The following MLIP variants were observed in gnomAD, a reference collection of about 807,000 sequenced individuals.
The protein encoded by MLIP is muscular LMNA-interacting protein.
Under a neutral mutation model 84.8 loss-of-function variants are expected in MLIP, and 79 were observed. That is an observed-to-expected ratio of 0.93 (90% confidence interval 0.78 to 1.12). The LOEUF is 1.12. Among genes scored for constraint, MLIP ranks in the 50% most tolerant of loss-of-function variants. MLIP has a pLI of 0.00. For missense variants in MLIP, 1,257 were observed against 1,160.6 expected, an observed-to-expected ratio of 1.08 and a Z score of -1.21; for synonymous variants, 504 against 463.0, an observed-to-expected ratio of 1.09 and a Z score of -1.14.
intron 1 of MLIP, among the ~76,000 whole-genome samples, chr6:54,086,602 G>A (rs1263009393): frequency 6.6e-6 from 1 of 152,134 alleles, no homozygotes; most frequent in Admixed American, 6.6e-5. Flanking sequence ...CAGAATAAAA[G>A]CCAAAGTCCG....
At chr6:54,087,512 T>C (rs1439375680) in intron 1 of MLIP, among the ~76,000 whole-genome samples, 1 of 152,116 alleles carries the variant, frequency 6.6e-6, no homozygotes, top group Non-Finnish European at 1.5e-5. Flanking sequence ...TAAAAAATAG[T>C]GGCAAAGAGG....
At chr6:54,070,756 C>T (rs1766437678) in intron 1 of MLIP, among the ~76,000 whole-genome samples, 1 of 151,948 alleles carries the variant, frequency 6.6e-6, no homozygotes, top group South Asian at 2.1e-4. Flanking sequence ...GTGCATAGTA[C>T]AAGATTCAGA....
At chr6:54,096,144 G>A (rs929436123) in intron 1 of MLIP, among the ~76,000 whole-genome samples, 14 of 152,162 alleles carry the variant, frequency 9.2e-5, no homozygotes, top group African/African-American at 3.1e-4. Flanking sequence ...TTGGTCAGAT[G>A]TGTGGTGCAT....
chr6:54,115,493 C>G (rs1273330219), intron 1 of MLIP, among the ~76,000 whole-genome samples: 3 of 152,056 alleles, frequency 2.0e-5, no homozygotes, highest in East Asian at 3.8e-4. Context: ...AATGAAGAAA[C>G]AAATTACGGA....
At position 54,230,761 on chromosome 6, in the gene MLIP, G is replaced by C; in HGVS notation, c.2766G>C (p.Gln922His). 1.9e-6 allele frequency: 3 copies of C among 1,614,018 alleles called. No individual in the cohort carries two copies. The highest frequency in any genetic ancestry group is 2.5e-6 in the Non-Finnish European group (3 of 1,179,980). The change falls in exon 12 of 14, where the codon CAG (glutamine) becomes CAC (histidine). Residue 922 changes from glutamine to histidine, a missense_variant. Transcript: ENST00000502396. Reference protein sequence around the residue: ...PKPVSLHPLYQTKLYPPAKSL... With the variant: ...PKPVSLHPLYHTKLYPPAKSL... ...CTGTCTCGCTCCATCCTTTATATCA[G>C]ACTAAACTCTATCCTCCTGCTAAGT...
At chr6:54,222,622 A>C (rs991732068) in intron 11 of MLIP, among the ~76,000 whole-genome samples, 3 of 151,952 alleles carry the variant, frequency 2.0e-5, no homozygotes, top group Non-Finnish European at 4.4e-5. Flanking sequence ...TTATCCACTT[A>C]CCTGTCAATA....
chr6:54,073,919 G>C (rs1766638228), intron 1 of MLIP, among the ~76,000 whole-genome samples: 1 of 152,196 alleles, frequency 6.6e-6, no homozygotes, highest in Non-Finnish European at 1.5e-5. Context: ...TATCAGATCA[G>C]ATATTAACTC....
chr6:54,124,768 C>T lies in MLIP; in HGVS notation c.548C>T (p.Ser183Phe), dbSNP rs764680595. The T allele has an allele frequency of 2.6e-5, 42 of 1,614,070 alleles. No individual in the cohort carries two copies. In the South Asian group the frequency reaches 4.0e-4, roughly 15 times the overall value. ...CTAGCTATCTCGTCCAGTCTGGTCTCTGATGTAGTGCGTCCCAAAACACAG... is the reference window on the plus strand; with the variant it reads ...CTAGCTATCTCGTCCAGTCTGGTCTTTGATGTAGTGCGTCCCAAAACACAG... Reference protein sequence around the residue: ...KSLAISSSLVSDVVRPKTQGT... With the variant: ...KSLAISSSLVFDVVRPKTQGT... The change falls in exon 3 of 14, where the codon TCT becomes TTT. Residue 183 changes from serine (S) to phenylalanine (F), a missense_variant. Transcript: ENST00000502396.
intron 3 of MLIP, among the ~76,000 whole-genome samples, chr6:54,133,085 T>C (rs1248037950): frequency 6.6e-6 from 1 of 152,070 alleles, no homozygotes; most frequent in Non-Finnish European, 1.5e-5. Flanking sequence ...AACAAAGTAT[T>C]ACTGAAACTT....
upstream of MLIP, among the ~76,000 whole-genome samples, chr6:54,107,265 T>C (rs981265975): frequency 2.0e-5 from 3 of 152,222 alleles, no homozygotes; most frequent in Non-Finnish European, 4.4e-5. Flanking sequence ...TATAACTATA[T>C]ACCTATAGCA....
chr6:54,020,298 A>G (rs1763423094), intron 1 of MLIP, among the ~76,000 whole-genome samples: 1 of 152,236 alleles, frequency 6.6e-6, no homozygotes, highest in African/African-American at 2.4e-5. Context: ...TGAAGTCCCT[A>G]GCCTAAGCCT....
At chr6:54,211,361 T>C (rs986222405) in intron 11 of MLIP, among the ~76,000 whole-genome samples, 4 of 152,254 alleles carry the variant, frequency 2.6e-5, no homozygotes, top group Non-Finnish European at 5.9e-5. Context: ...TTCTCTCTCT[T>C]AAGCTTAGGT....
chr6:54,187,105 A>G (rs1166174042), intron 9 of MLIP, among the ~76,000 whole-genome samples: 1 of 152,194 alleles, frequency 6.6e-6, no homozygotes, highest in Non-Finnish European at 1.5e-5. Context: ...CTCCAAACCT[A>G]TGACAGTGTG....
chr6:54,108,885 C>T (rs532185593), upstream of MLIP, among the ~76,000 whole-genome samples: 2 of 152,102 alleles, frequency 1.3e-5, no homozygotes, highest in South Asian at 4.1e-4. Context: ...AGTTTCATAG[C>T]GTTTGAATCC....
At chr6:54,083,433 G>T (rs1372479467) in intron 1 of MLIP, 41 of 1,500,418 alleles carry the variant, frequency 2.7e-5, no homozygotes, top group Non-Finnish European at 3.5e-5. Context: ...GGCATAATTT[G>T]TACAGTGCTT....
At chr6:54,173,015 A>G (rs1433262739) in intron 9 of MLIP, among the ~76,000 whole-genome samples, 1 of 151,818 alleles carries the variant, frequency 6.6e-6, no homozygotes, top group East Asian at 1.9e-4. Context: ...TGGTTAATTT[A>G]TCATTAATAT....
intron 4 of MLIP, among the ~76,000 whole-genome samples, chr6:54,145,911 A>G (rs1772780780): frequency 6.6e-6 from 1 of 152,150 alleles, no homozygotes; most frequent in Admixed American, 6.6e-5. Context: ...CCCCAGTGGC[A>G]GGAGTTCCTA....
intron 1 of MLIP, among the ~76,000 whole-genome samples, chr6:54,119,226 A>C (rs1293899648): frequency 6.6e-6 from 1 of 152,256 alleles, no homozygotes; most frequent in East Asian, 1.9e-4. Context: ...TATATGGAAG[A>C]GATAACTGCA....
intron 12 of MLIP, among the ~76,000 whole-genome samples, chr6:54,234,234 T>G (rs1781209805): frequency 6.6e-6 from 1 of 152,200 alleles, no homozygotes; most frequent in Non-Finnish European, 1.5e-5. Flanking sequence ...ATGGTGATAT[T>G]GGGCAAGTCA....
Sources: allele counts gnomAD v4.1 joint callset (sites outside exome capture counted in the v4.1 genomes callset), GRCh38; gene constraint gnomAD v4.1.1; transcripts MANE v1.5; gene names NCBI Gene and HGNC (gene_info 2026-07-23, HGNC 2026-07-21).